ICA1: variants seen among roughly 807,000 people sequenced by gnomAD.
ICA1 encodes islet cell autoantigen 1.
Under a neutral mutation model 71.0 loss-of-function variants are expected in ICA1, and 40 were observed. The observed-to-expected ratio is 0.56, with a 90% CI of 0.44 to 0.73. The LOEUF (loss-of-function observed/expected upper bound fraction) is 0.73. ICA1 is among the 30% of genes least tolerant of loss of function. ICA1 has a pLI of 0.00. For synonymous variants in ICA1, 207 were observed against 209.5 expected (o/e 0.99, Z 0.10); for missense variants, 578 against 576.5 (o/e 1.00, Z -0.03).
At chr7:8,156,776 G>A in intron 8 of ICA1, 1 of 1,436,920 alleles carries the variant, frequency 7.0e-7, no homozygotes, top group Non-Finnish European at 9.2e-7. Context: ...CTCCCCTTTA[G>A]CAATGTCAAA....
chr7:8,165,527 C>T (rs1251647015), intron 6 of ICA1, among the ~76,000 whole-genome samples: 2 of 152,104 alleles, frequency 1.3e-5, no homozygotes, highest in Non-Finnish European at 2.9e-5. Flanking sequence ...TAGCTTTGAG[C>T]CATGAGGCAA....
intron 6 of ICA1, among the ~76,000 whole-genome samples, chr7:8,211,127 T>C (rs530242255): frequency 8.0e-4 from 122 of 152,314 alleles, no homozygotes; most frequent in African/African-American, 2.4e-3. Flanking sequence ...CCAGCCCACA[T>C]TGTGGGGGCA....
chr7:8,129,010 T>G (rs982214258), intron 12 of ICA1, among the ~76,000 whole-genome samples: 5 of 152,232 alleles, frequency 3.3e-5, no homozygotes, highest in Non-Finnish European at 7.3e-5. Context: ...TAAACCTAAT[T>G]GCCTTTCCAG....
At chr7:8,163,254 C>T (rs1188569892) in intron 6 of ICA1, among the ~76,000 whole-genome samples, 1 of 152,222 alleles carries the variant, frequency 6.6e-6, no homozygotes, top group Non-Finnish European at 1.5e-5. Flanking sequence ...GAAGCCAAAG[C>T]TATTCGTACT....
At chr7:8,169,018 T>TGC (rs1807234021) in intron 6 of ICA1, among the ~76,000 whole-genome samples, 2 of 152,102 alleles carry the variant, frequency 1.3e-5, no homozygotes, top group African/African-American at 4.8e-5. Context: ...ATTCCTTCCC[T>TGC]CAAGTCCCAG....
chr7:8,162,364 A>C (rs1040360256), intron 6 of ICA1, among the ~76,000 whole-genome samples: 1 of 152,212 alleles, frequency 6.6e-6, no homozygotes, highest in Non-Finnish European at 1.5e-5. Context: ...TGAGTTTCCA[A>C]ATGCTGAGCC....
chr7:8,131,252 T>G (rs2128085910), intron 12 of ICA1, among the ~76,000 whole-genome samples: 1 of 152,358 alleles, frequency 6.6e-6, no homozygotes, highest in African/African-American at 2.4e-5. Context: ...GGATCCAGCC[T>G]TGCTTGAAGC....
intron 13 of ICA1, among the ~76,000 whole-genome samples, chr7:8,119,273 C>T (rs1785878131): frequency 6.6e-6 from 1 of 152,112 alleles, no homozygotes; most frequent in Non-Finnish European, 1.5e-5. Flanking sequence ...GGAGTAGAAA[C>T]CCCTCCCTGA....
At chr7:8,261,529 G>A (rs903287494) in intron 1 of ICA1, among the ~76,000 whole-genome samples, 2 of 152,036 alleles carry the variant, frequency 1.3e-5, no homozygotes, top group African/African-American at 4.8e-5. Context: ...GCCCCCGGGG[G>A]ACCAAGCTCA....
intron 6 of ICA1, among the ~76,000 whole-genome samples, chr7:8,162,536 A>G (rs1804257233): frequency 1.3e-5 from 2 of 152,224 alleles, no homozygotes; most frequent in African/African-American, 4.8e-5. Context: ...GCCACTATCA[A>G]GAGTCTAATT....
chr7:8,124,883 G>T lies in ICA1; in HGVS notation c.1330+2990C>A, dbSNP rs77601013. Among the ~76,000 whole-genome samples, 1,035 of 151,956 alleles carry T rather than the reference G, an allele frequency of 6.8e-3. 16 individuals carry two copies. Among genetic ancestry groups the T allele is most frequent in the African/African-American group, 0.024 (978 of 41,408 alleles). On this transcript the variant is annotated intron_variant, in intron 13 of 13. Coordinates refer to ENST00000402384, the MANE Select transcript of ICA1 (RefSeq NM_001136020.3). The stretch of plus-strand genomic sequence containing the variant: ...AGCTCACTGCAACCTCTACCTCCTG[G>T]ATTCAAATGATTCTCCTGCCTCAGC...
chr7:8,249,146 C>A (rs202144383), intron 1 of ICA1, among the ~76,000 whole-genome samples: 1 of 152,232 alleles, frequency 6.6e-6, no homozygotes, highest in East Asian at 1.9e-4. Flanking sequence ...TGATGGGGCA[C>A]AAATGCCATG....
chr7:8,177,405 T>C (rs1447556668), intron 6 of ICA1, among the ~76,000 whole-genome samples: 2 of 152,282 alleles, frequency 1.3e-5, no homozygotes, highest in Middle Eastern at 3.4e-3. Flanking sequence ...TCACTTCCTC[T>C]TTCAGGTCAT....
chr7:8,182,570 C>T (rs1190656523), intron 6 of ICA1, among the ~76,000 whole-genome samples: 2 of 152,210 alleles, frequency 1.3e-5, no homozygotes, highest in East Asian at 3.9e-4. Flanking sequence ...ACCCATTATC[C>T]CTGGGATCCT....
chr7:8,138,776 C>T (rs1323325939), intron 12 of ICA1, 64 bp downstream of exon 12: 1 of 1,274,204 alleles, frequency 7.8e-7, no homozygotes, highest in African/African-American at 1.5e-5. Context: ...CACTTTCTTA[C>T]ATGTAAAAGA....
chr7:8,184,632 T>C (rs1188288147), intron 6 of ICA1, among the ~76,000 whole-genome samples: 1 of 152,192 alleles, frequency 6.6e-6, no homozygotes, highest in Non-Finnish European at 1.5e-5. Context: ...GAATAATTCA[T>C]ACTTGAAATA....
At chr7:8,147,464 T>TAAAACAATTTATC (rs1797421619) in intron 8 of ICA1, among the ~76,000 whole-genome samples, 1 of 151,984 alleles carries the variant, frequency 6.6e-6, no homozygotes, top group Non-Finnish European at 1.5e-5. Flanking sequence ...TTACTATTAT[T>TAAAACAATTTATC]CCTAAAACAA....
At chr7:8,145,395 GC>G (rs1226195853) in intron 8 of ICA1, among the ~76,000 whole-genome samples, 1 of 151,880 alleles carries the variant, frequency 6.6e-6, no homozygotes, top group Non-Finnish European at 1.5e-5. Context: ...TGTTCATTCT[GC>G]TTCTTTAACC....
intron 6 of ICA1, among the ~76,000 whole-genome samples, chr7:8,187,888 T>G (rs1488831633): frequency 6.6e-6 from 1 of 152,218 alleles, no homozygotes. Context: ...GGGACCACCA[T>G]CATAAAATGT....
Sources: allele counts gnomAD v4.1 joint callset (sites outside exome capture counted in the v4.1 genomes callset), GRCh38; gene constraint gnomAD v4.1.1; transcripts MANE v1.5; gene names NCBI Gene and HGNC (gene_info 2026-07-23, HGNC 2026-07-21).